PAPPA2: variants seen among roughly 807,000 people sequenced by gnomAD.
PAPPA2 encodes the protein pappalysin 2.
A neutral mutation model predicts 176.4 loss-of-function variants in PAPPA2; 86 were observed. The observed-to-expected ratio is 0.49, with a 90% CI of 0.41 to 0.58. The LOEUF (loss-of-function observed/expected upper bound fraction) is 0.58. PAPPA2 is among the 20% of genes least tolerant of loss of function. PAPPA2 has a pLI of 0.00. For synonymous variants in PAPPA2, 809 were observed against 852.2 expected (o/e 0.95, Z 0.88); for missense variants, 2,073 against 2,256.9 (o/e 0.92, Z 1.65).
intron 21 of PAPPA2, among the ~76,000 whole-genome samples, chr1:176,830,664 T>C (rs892674712): frequency 6.6e-6 from 1 of 151,378 alleles, no homozygotes; most frequent in African/African-American, 2.4e-5. Context: ...TCTGAAGACC[T>C]TGCAGACCAT....
chr1:176,711,665 A>T (rs1449065835), intron 11 of PAPPA2, among the ~76,000 whole-genome samples, 170 bp from the exon 12 acceptor site: 1 of 152,170 alleles, frequency 6.6e-6, no homozygotes, highest in Non-Finnish European at 1.5e-5. Context: ...CTTGATGTTA[A>T]AGAGAGCACT....
intron 17 of PAPPA2, among the ~76,000 whole-genome samples, chr1:176,786,759 C>G (rs1422006410): frequency 6.6e-6 from 1 of 152,178 alleles, no homozygotes; most frequent in African/African-American, 2.4e-5. Flanking sequence ...TTTGAATAAG[C>G]TTTAATTTTC....
chr1:176,520,028 G>A (rs1649126854), intron 1 of PAPPA2, among the ~76,000 whole-genome samples: 1 of 152,162 alleles, frequency 6.6e-6, no homozygotes, highest in South Asian at 2.1e-4. Flanking sequence ...AGTCCTTGGG[G>A]CAAAGTCTTA....
chr1:176,792,267 A>G (rs186849935), intron 19 of PAPPA2, among the ~76,000 whole-genome samples: 76 of 152,354 alleles, frequency 5.0e-4, no homozygotes, highest in African/African-American at 1.8e-3. Context: ...CCTAAATATC[A>G]TAGGAAAGAG....
At chr1:176,722,929 T>G (rs1031853795) in intron 12 of PAPPA2, among the ~76,000 whole-genome samples, 1 of 152,220 alleles carries the variant, frequency 6.6e-6, no homozygotes, top group Non-Finnish European at 1.5e-5. Context: ...TGTTTTAGTC[T>G]GCCTTCTGAT....
intron 2 of PAPPA2, among the ~76,000 whole-genome samples, chr1:176,582,212 C>A (rs560105348): frequency 6.6e-6 from 1 of 152,136 alleles, no homozygotes; most frequent in Non-Finnish European, 1.5e-5. Context: ...CAGGCATGAG[C>A]CACCGCGCCC....
intron 1 of PAPPA2, among the ~76,000 whole-genome samples, chr1:176,515,730 A>G (rs1648873665): frequency 6.6e-6 from 1 of 151,520 alleles, no homozygotes; most frequent in South Asian, 2.1e-4. Flanking sequence ...TCACTTGTGC[A>G]TTTTCCAGCC....
chr1:176,553,015 G>A (rs909564469), intron 1 of PAPPA2, among the ~76,000 whole-genome samples: 1 of 152,042 alleles, frequency 6.6e-6, no homozygotes, highest in African/African-American at 2.4e-5. Context: ...GGTTTCCCTT[G>A]GCATGTCTAG....
At chr1:176,764,636 G>A (rs866321785) in intron 14 of PAPPA2, among the ~76,000 whole-genome samples, 6 of 143,974 alleles carry the variant, frequency 4.2e-5, no homozygotes, top group Middle Eastern at 4.0e-3. Flanking sequence ...TCGCTCTGTC[G>A]CTCAGGCTGG....
chr1:176,618,018 G>A (rs1377435606), intron 3 of PAPPA2, among the ~76,000 whole-genome samples: 1 of 152,178 alleles, frequency 6.6e-6, no homozygotes, highest in Non-Finnish European at 1.5e-5. Context: ...TAGTGGTTTT[G>A]GAGCTGTGAG....
chr1:176,521,502 G>A (rs530773372), intron 1 of PAPPA2, among the ~76,000 whole-genome samples: 39 of 152,164 alleles, frequency 2.6e-4, no homozygotes, highest in Non-Finnish European at 5.0e-4. Flanking sequence ...TACACCACAT[G>A]AAGCAGAAGA....
At chr1:176,807,497 C>CTTT (rs1156629514) in intron 21 of PAPPA2, among the ~76,000 whole-genome samples, 5 of 137,772 alleles carry the variant, frequency 3.6e-5, no homozygotes, top group African/African-American at 1.1e-4. Flanking sequence ...TTCTTTCTTT[C>CTTT]TTTTTTTTTT....
intron 14 of PAPPA2, among the ~76,000 whole-genome samples, chr1:176,763,072 T>C (rs1281820246): frequency 6.6e-6 from 1 of 152,218 alleles, no homozygotes; most frequent in Non-Finnish European, 1.5e-5. Flanking sequence ...TAGTGCTTTT[T>C]AAGTCAAGTC....
At chr1:176,569,347 T>A (rs1477721318) in intron 2 of PAPPA2, among the ~76,000 whole-genome samples, 1 of 152,152 alleles carries the variant, frequency 6.6e-6, no homozygotes, top group Admixed American at 6.5e-5. Context: ...ATGAAACCAC[T>A]CCCCGAAACC....
At chr1:176,505,663 C>T (rs1648216730) in intron 1 of PAPPA2, among the ~76,000 whole-genome samples, 1 of 151,682 alleles carries the variant, frequency 6.6e-6, no homozygotes, top group African/African-American at 2.4e-5. Context: ...TATGGAACAG[C>T]AACAACAACA....
At position 176,557,207 on chromosome 1, in the gene PAPPA2, G is replaced by T. The variant is rs771539594; in HGVS notation, c.885G>T (p.Pro295=). The change falls in exon 2 of 23, where the codon CCG becomes CCT. Residue 295 remains proline, a synonymous_variant. Transcript: ENST00000367662. ...TCACAGTGGAAGCCTGGGTTAAACC[G>T]GAGGGAGGACAGAACAACCCAGCCA... ...EAFTVEAWVK[P]EGGQNNPAII... The T allele has an allele frequency of 6.2e-7, 1 of 1,607,158 alleles. No homozygotes were observed. Among genetic ancestry groups the T allele is most frequent in the South Asian group, 1.1e-5 (1 of 89,992 alleles).
intron 12 of PAPPA2, among the ~76,000 whole-genome samples, chr1:176,721,363 C>T (rs1661608032): frequency 6.6e-6 from 1 of 152,194 alleles, no homozygotes; most frequent in South Asian, 2.1e-4. Flanking sequence ...CTAATATTTA[C>T]CCTCTCCAGT....
intron 14 of PAPPA2, among the ~76,000 whole-genome samples, chr1:176,764,152 A>G (rs1011142643): frequency 6.6e-6 from 1 of 152,070 alleles, no homozygotes; most frequent in African/African-American, 2.4e-5. Context: ...TGAGGGATCC[A>G]CCCTCATGAC....
chr1:176,656,199 G>A (rs1658022171), intron 3 of PAPPA2, among the ~76,000 whole-genome samples: 1 of 151,790 alleles, frequency 6.6e-6, no homozygotes, highest in South Asian at 2.1e-4. Flanking sequence ...TAATGCTGGA[G>A]ATGAACTCTA....
Sources: gnomAD v4.1 joint callset for allele counts (sites outside exome capture counted in the v4.1 genomes callset) on GRCh38, gnomAD v4.1.1 for gene constraint, MANE v1.5 for transcripts, NCBI Gene and HGNC (gene_info 2026-07-23, HGNC 2026-07-21) for gene names.